Variants in AMPH observed in about 807,000 individuals in gnomAD.
AMPH encodes amphiphysin.
Under a neutral mutation model 99.1 loss-of-function variants are expected in AMPH, and 49 were observed. The observed-to-expected ratio is 0.49, with a 90% CI of 0.39 to 0.63. The LOEUF (loss-of-function observed/expected upper bound fraction) is 0.63, where lower values mean the gene tolerates loss of function less well. Among genes scored for constraint, AMPH ranks in the 20% least tolerant of loss-of-function variants. The pLI, the probability that AMPH is intolerant of heterozygous loss-of-function variation, is 0.00. For missense variants in AMPH, 759 were observed against 863.4 expected, an observed-to-expected ratio of 0.88 and a Z score of 1.52; for synonymous variants, 314 against 317.3, an observed-to-expected ratio of 0.99 and a Z score of 0.11.
At chr7:38,493,949 A>G (rs1028663929) in intron 4 of AMPH, among the ~76,000 whole-genome samples, 30 of 152,116 alleles carry the variant, frequency 2.0e-4, no homozygotes, top group African/African-American at 6.8e-4. Context: ...TTTTATGATC[A>G]TCTTCACTTT....
intron 2 of AMPH, among the ~76,000 whole-genome samples, chr7:38,521,627 T>G (rs1789967898): frequency 6.6e-6 from 1 of 152,112 alleles, no homozygotes; most frequent in East Asian, 1.9e-4. Flanking sequence ...AACATACCCC[T>G]CCATGCATCA....
chr7:38,422,352 A>C, intron 16 of AMPH, 69 bp downstream of exon 16: 4 of 1,317,768 alleles, frequency 3.0e-6, no homozygotes, highest in Non-Finnish European at 4.3e-6. Flanking sequence ...GACAGCCTAG[A>C]ATGATCAGCT....
chr7:38,579,191 G>A (rs76244110), intron 1 of AMPH, among the ~76,000 whole-genome samples: 2,565 of 152,324 alleles, frequency 0.017, 61 homozygotes, highest in African/African-American at 0.051. Context: ...CATACCTGCT[G>A]TGCTGGTGTC....
intron 17 of AMPH, among the ~76,000 whole-genome samples, chr7:38,403,312 T>C (rs1784893910): frequency 6.6e-6 from 1 of 152,210 alleles, no homozygotes; most frequent in South Asian, 2.1e-4. Flanking sequence ...CTCCCCTCCC[T>C]TCTGTGACAA....
At chr7:38,567,781 A>AT (rs1469702191) in intron 1 of AMPH, among the ~76,000 whole-genome samples, 1 of 152,184 alleles carries the variant, frequency 6.6e-6, no homozygotes, top group African/African-American at 2.4e-5. Context: ...AAGCCAGGAA[A>AT]TTGAGTTTTG....
intron 1 of AMPH, among the ~76,000 whole-genome samples, chr7:38,583,907 T>G (rs1792555131): frequency 6.6e-6 from 1 of 152,184 alleles, no homozygotes; most frequent in African/African-American, 2.4e-5. Flanking sequence ...CTACTACCAT[T>G]GCCATTGACA....
chr7:38,481,795 G>C (rs1788293175), intron 5 of AMPH, among the ~76,000 whole-genome samples: 1 of 152,034 alleles, frequency 6.6e-6, no homozygotes, highest in South Asian at 2.1e-4. Context: ...GAAGTCAACT[G>C]TGTTCCATGC....
intron 1 of AMPH, among the ~76,000 whole-genome samples, chr7:38,620,057 G>C (rs1400402443): frequency 6.6e-6 from 1 of 151,182 alleles, no homozygotes; most frequent in Non-Finnish European, 1.5e-5. Context: ...GCTATTTAAA[G>C]GTTTGTAACC....
intron 3 of AMPH, among the ~76,000 whole-genome samples, chr7:38,501,451 C>T (rs1789131395): frequency 6.6e-6 from 1 of 152,098 alleles, no homozygotes; most frequent in South Asian, 2.1e-4. Flanking sequence ...TCCCAAAGTG[C>T]TCGGATTAAA....
chr7:38,605,835 C>T (rs1339691400), intron 1 of AMPH, among the ~76,000 whole-genome samples: 2 of 152,144 alleles, frequency 1.3e-5, no homozygotes, highest in Non-Finnish European at 2.9e-5. Flanking sequence ...ACCCGCCTCC[C>T]AAAGTGCTGG....
intron 1 of AMPH, among the ~76,000 whole-genome samples, chr7:38,537,866 A>G (rs1790672231): frequency 6.6e-6 from 1 of 152,192 alleles, no homozygotes; most frequent in Non-Finnish European, 1.5e-5. Flanking sequence ...AAAGGCAAAG[A>G]TAGTTGATAC....
At chr7:38,393,317 C>T (rs955688653) in intron 18 of AMPH, among the ~76,000 whole-genome samples, 49 of 152,188 alleles carry the variant, frequency 3.2e-4, no homozygotes, top group African/African-American at 1.2e-3. Context: ...CAGAAGAAAA[C>T]AATGCATACC....
At chr7:38,472,947 G>A (rs1787939184) in intron 7 of AMPH, among the ~76,000 whole-genome samples, 1 of 152,134 alleles carries the variant, frequency 6.6e-6, no homozygotes, top group Non-Finnish European at 1.5e-5. Flanking sequence ...TACAACTTAG[G>A]AAGGGCACAA....
At chr7:38,390,850 G>C (rs952557668) in intron 19 of AMPH, among the ~76,000 whole-genome samples, 1 of 152,020 alleles carries the variant, frequency 6.6e-6, no homozygotes, top group Non-Finnish European at 1.5e-5. Context: ...CCCTTATCTA[G>C]AGGTTTAGCT....
chr7:38,463,750 C>T (rs1490671200), intron 9 of AMPH, among the ~76,000 whole-genome samples: 2 of 152,154 alleles, frequency 1.3e-5, no homozygotes, highest in Non-Finnish European at 2.9e-5. Flanking sequence ...CAAAATCAGA[C>T]AAGATTCAGT....
intron 17 of AMPH, among the ~76,000 whole-genome samples, chr7:38,394,850 A>T (rs552004794): frequency 1.3e-5 from 2 of 152,358 alleles, no homozygotes; most frequent in African/African-American, 4.8e-5. Context: ...CACTTGCCTC[A>T]TTGCCTAACC....
intron 17 of AMPH, among the ~76,000 whole-genome samples, chr7:38,403,477 G>A (rs1784898823): frequency 6.6e-6 from 1 of 152,204 alleles, no homozygotes; most frequent in African/African-American, 2.4e-5. Context: ...TGAAATGGCA[G>A]GTGCCATACC....
chr7:38,618,540 C>T (rs1425129938), intron 1 of AMPH, among the ~76,000 whole-genome samples: 1 of 151,890 alleles, frequency 6.6e-6, no homozygotes, highest in Admixed American at 6.6e-5. Context: ...AAAGCAATTA[C>T]TATAAATCTT....
At chr7:38,402,371 T>C (rs1263436787) in intron 17 of AMPH, among the ~76,000 whole-genome samples, 1 of 152,258 alleles carries the variant, frequency 6.6e-6, no homozygotes, top group African/African-American at 2.4e-5. Flanking sequence ...AATTATTTTT[T>C]CTTTTGTATT....
Sources: gnomAD v4.1 joint callset for allele counts (sites outside exome capture counted in the v4.1 genomes callset) on GRCh38, gnomAD v4.1.1 for gene constraint, MANE v1.5 for transcripts, NCBI Gene and HGNC (gene_info 2026-07-23, HGNC 2026-07-21) for gene names.